NIT1: variants seen among roughly 807,000 people sequenced by gnomAD.
NIT1 encodes the protein nitrilase 1, also known as deaminated glutathione amidase.
Under a neutral mutation model 36.8 loss-of-function variants are expected in NIT1, and 30 were observed. That is an observed-to-expected ratio of 0.82 (90% CI 0.61 to 1.11). NIT1 has a LOEUF of 1.11. Among genes scored for constraint, NIT1 ranks in the 50% least tolerant of loss-of-function variants. The probability of loss-of-function intolerance (pLI) is 0.00; values close to 1 mark genes in which losing one functional copy is unlikely to be tolerated. For synonymous variants in NIT1, 151 were observed against 155.6 expected, an observed-to-expected ratio of 0.97 and a Z score of 0.22; for missense variants, 438 against 410.6, an observed-to-expected ratio of 1.07 and a Z score of -0.58.
At position 161,118,138 on chromosome 1, in the gene NIT1, T is replaced by G; in HGVS notation, c.-39T>G. The G allele has an allele frequency of 6.2e-7, 1 of 1,613,954 alleles. No homozygotes were observed. The highest frequency in any genetic ancestry group is 8.5e-7 in the Non-Finnish European group (1 of 1,179,924). On this transcript the variant is annotated 5_prime_UTR_variant, in exon 1 of 7. Coordinates refer to ENST00000368009, the MANE Select transcript of NIT1 (RefSeq NM_005600.3). The stretch of plus-strand genomic sequence containing the variant: ...CGGCGCTTCTGGCTCCAGACCGCCC[T>G]CCGGATCGGACCCTGCGAATGGTTT...
In NIT1 at chr1:161,118,815, G is replaced by A. The variant is rs766584701; in HGVS notation, c.32G>A (p.Arg11Lys). Residue 11 changes from arginine (R) to lysine (K), a missense_variant, in exon 2 of 7, where the codon AGA (arginine) becomes AAA (lysine). Arg to Lys is a conservative substitution (Grantham distance 26). Coordinates refer to ENST00000368009, the MANE Select transcript of NIT1 (RefSeq NM_005600.3). The part of the protein sequence containing the change: MLGFITRPPH[R>K]FLSLLCPGLR... ...GGCTTCATCACCAGGCCTCCTCACA[G>A]ATTCCTGTCCCTTCTGTGTCCTGGA... The A allele has an allele frequency of 1.9e-6, 3 of 1,614,096 alleles. No individual in the cohort carries two copies. In the South Asian group the frequency reaches 3.3e-5, roughly 18 times the overall value.
At position 161,119,389 on chromosome 1, in the gene NIT1, G is replaced by A; in HGVS notation, c.353+1G>A. On this transcript the variant is annotated splice_donor_variant, in intron 3 of 6. Transcript: ENST00000368009. LOFTEE classifies it high-confidence loss of function. ...TGGAAGAATACACCCAGCTTGCCAG[G>A]TATCAGGGAAATAGCGAGGGAGAGG... 1.2e-6 allele frequency: 2 copies of A among 1,613,560 alleles called. No homozygotes were observed. The highest frequency in any genetic ancestry group is 1.7e-6 in the Non-Finnish European group (2 of 1,179,462).
Position 161,119,596 on chromosome 1 carries a change from G to A in NIT1, c.441G>A (p.Val147=), listed in dbSNP as rs753659373. 1.9e-6 allele frequency: 3 copies of A among 1,614,068 alleles called. No homozygotes were observed. Among genetic ancestry groups the A allele is most frequent in the Non-Finnish European group, 2.5e-6 (3 of 1,179,938 alleles). ...EQTQKIYNCH[V]LLNSKGAVVA... is the part of the protein sequence containing the mutation. ...CTCAGAAAATCTACAATTGTCACGT[G>A]CTGCTGAACAGCAAAGGTGAGACTT... The change falls in exon 4 of 7, where the codon GTG becomes GTA. Residue 147 remains valine (V), a synonymous_variant. Transcript: ENST00000368009.
chr1:161,118,184 A>G lies in NIT1; in HGVS notation c.2+6A>G, dbSNP rs1452097207. The G allele has an allele frequency of 4.3e-6, 7 of 1,614,054 alleles. No homozygotes were observed. The highest frequency in any genetic ancestry group is 5.1e-6 in the Non-Finnish European group (6 of 1,179,956). ...GGTTTTGGCTATATCTTCATGTAGG[A>G]CCTACTCCCTATCCCGTCGGCCGCG... On this transcript the variant is annotated splice_donor_region_variant and intron_variant, in intron 1 of 6. Transcript: ENST00000368009.
chr1:161,120,135 G>GCA lies in NIT1; in HGVS notation c.620_621insCA (p.Phe208SerfsTer47). The GCA allele has an allele frequency of 6.2e-7, 1 of 1,614,122 alleles. No homozygotes were observed. Among genetic ancestry groups the GCA allele is most frequent in the Non-Finnish European group, 8.5e-7 (1 of 1,180,016 alleles). ...GGTCTAGCTGTCTGCTATGACATGCGGTTCCCTGAACTCTCTCTGGCATTG... is the reference window on the plus strand; with the variant it reads ...GGTCTAGCTGTCTGCTATGACATGCGCAGTTCCCTGAACTCTCTCTGGCATTG... On this transcript the variant is annotated frameshift_variant, in exon 6 of 7. Transcript: ENST00000368009. LOFTEE classifies it high-confidence loss of function.
chr1:161,124,098 CACA>C, downstream of NIT1: 1 of 1,590,594 alleles, frequency 6.3e-7, no homozygotes, highest in Non-Finnish European at 8.6e-7. Context: ...CCTGGCCTCC[CACA>C]ACTCTTCCCT....
chr1:161,118,464 G>C (rs1395039080), intron 1 of NIT1: 1 of 1,536,096 alleles, frequency 6.5e-7, no homozygotes, highest in Non-Finnish European at 8.7e-7. Context: ...CAGTCAAGGA[G>C]AGAGTCTTGG....
chr1:161,118,946 G>A (rs1655111683), intron 2 of NIT1, 65 bp downstream of exon 2: 2 of 1,377,896 alleles, frequency 1.5e-6, no homozygotes, highest in African/African-American at 1.4e-5. Flanking sequence ...AATGGATAGT[G>A]GGAGACACAG....
chr1:161,119,116 T>C lies in NIT1; in HGVS notation c.99-18T>C. On this transcript the variant is annotated intron_variant, in intron 2 of 6. Transcript: ENST00000368009. The stretch of plus-strand genomic sequence containing the variant: ...CCTGTGCTATGAAATCTGAGAATCC[T>C]GCCTATGCTGTTCACAGGCCCAGAG... 1 of 1,611,822 alleles carries C rather than the reference T, an allele frequency of 6.2e-7. No homozygotes were observed. The highest frequency in any genetic ancestry group is 8.5e-7 in the Non-Finnish European group (1 of 1,178,942).
At chr1:161,122,647 T>G, downstream of NIT1, 21 of 1,231,136 alleles carry the variant, frequency 1.7e-5, no homozygotes, top group Non-Finnish European at 2.2e-5. The surrounding 1 kb of genome is among the most constrained non-coding windows in gnomAD (Gnocchi z 4.2). Flanking sequence ...ACAGCTTCTC[T>G]ACCTCTTCCC....
Position 161,119,151 on chromosome 1 carries a change from T to G in NIT1, c.116T>G (p.Ile39Ser), listed in dbSNP as rs778121604. ...GTTCACAGGCCCAGAGCCATGGCTA[T>G]CTCCTCTTCCTCCTGCGAACTGCCC... The part of the protein sequence containing the change: ...CAQPRPRAMA[I>S]SSSSCELPLV... The change falls in exon 3 of 7, where the codon ATC (isoleucine) becomes AGC (serine). Residue 39 changes from isoleucine (I) to serine (S), a missense_variant. Physicochemically the swap from Ile to Ser is moderately radical, Grantham distance 142 (BLOSUM62 -2). Coordinates refer to ENST00000368009, the MANE Select transcript of NIT1 (RefSeq NM_005600.3). The G allele has an allele frequency of 1.9e-6, 3 of 1,613,860 alleles. No individual in the cohort carries two copies. The highest frequency in any genetic ancestry group is 3.3e-5 in the Admixed American group (2 of 60,026).
rs2101723034 is a variant in NIT1, at chr1:161,119,960, T to C, written c.591+8T>C. 6.2e-7 allele frequency: 1 copy of C among 1,605,722 alleles called. No homozygotes were observed. Among genetic ancestry groups the C allele is most frequent in the South Asian group, 1.1e-5 (1 of 90,190 alleles). ...AGCACACCAGCAGGCAAGGTAGGAGTTGTGAAAGGATGAGGGAGGGGAACA... is the reference window on the plus strand; with the variant it reads ...AGCACACCAGCAGGCAAGGTAGGAGCTGTGAAAGGATGAGGGAGGGGAACA... On this transcript the variant is annotated splice_region_variant and intron_variant, in intron 5 of 6. Transcript: ENST00000368009.
In NIT1 at chr1:161,120,842, G is replaced by A; in HGVS notation, c.*77G>A. The A allele has an allele frequency of 6.5e-7, 1 of 1,542,300 alleles. No individual in the cohort carries two copies. The highest frequency in any genetic ancestry group is 8.7e-7 in the Non-Finnish European group (1 of 1,147,400). On this transcript the variant is annotated 3_prime_UTR_variant, in exon 7 of 7. Transcript: ENST00000368009. ...TATGAGCTAGTGCTCATGTGACTTG[G>A]AGGCAGGATCCAGGCACAGCTCCCC...
chr1:161,122,411 C>T, downstream of NIT1: 1 of 1,614,170 alleles, frequency 6.2e-7, no homozygotes. This position sits in a 1 kb window ranked among gnomAD's most constrained non-coding sequence, Gnocchi z 4.2. Flanking sequence ...TGGTGTTGGC[C>T]TGGTTAAAGC....
intron 4 of NIT1, 95 bp downstream of exon 4, chr1:161,119,707 G>C (rs568961582): frequency 6.3e-7 from 1 of 1,584,586 alleles, no homozygotes; most frequent in East Asian, 2.2e-5. Context: ...TTGACCCAAG[G>C]ATTTAGGGGT....
downstream of NIT1, chr1:161,124,305 A>G (rs373053203): frequency 2.5e-6 from 4 of 1,614,158 alleles, no homozygotes; most frequent in East Asian, 2.2e-5. Context: ...GTGGTCATCA[A>G]TGACATCAAC....
chr1:161,122,306 G>A (rs1459992484), downstream of NIT1: 1 of 1,614,108 alleles, frequency 6.2e-7, no homozygotes, highest in African/African-American at 1.3e-5. This position sits in a 1 kb window ranked among gnomAD's most constrained non-coding sequence, Gnocchi z 4.2. Flanking sequence ...CTAATAAAGA[G>A]CCATTGATGT....
intron 6 of NIT1, 47 bp from the exon 7 acceptor site, chr1:161,120,452 C>T (rs199729357): frequency 4.4e-6 from 7 of 1,588,678 alleles, no homozygotes; most frequent in Non-Finnish European, 6.0e-6. Flanking sequence ...TGTCACTTCC[C>T]CACTATTTGC....
At chr1:161,124,362 C>T (rs1417992004), downstream of NIT1, 1 of 1,614,062 alleles carries the variant, frequency 6.2e-7, no homozygotes. Flanking sequence ...CAGATGAGTG[C>T]CCACGATGTC....
Sources: gnomAD v4.1 joint callset for allele counts on GRCh38, gnomAD v4.1.1 for gene constraint, Gnocchi (gnomAD v3.1) non-coding constraint, MANE v1.5 for transcripts, NCBI Gene and HGNC (gene_info 2026-07-23, HGNC 2026-07-21) for gene names.